Variants in AGBL1 observed in about 807,000 individuals in gnomAD.
The protein encoded by AGBL1 is cytosolic carboxypeptidase 4.
AGBL1 carries 130 observed loss-of-function variants against 118.9 expected under a neutral mutation model. The ratio of observed to expected loss-of-function variants is 1.09; its 90% confidence interval spans 0.95 to 1.26. The LOEUF (loss-of-function observed/expected upper bound fraction) is 1.26. AGBL1 is among the 50% of genes most tolerant of loss of function. The pLI is 0.00. For missense variants in AGBL1, 1,584 were observed against 1,298.1 expected, an observed-to-expected ratio of 1.22 and a Z score of -3.38; for synonymous variants, 555 against 478.9, an observed-to-expected ratio of 1.16 and a Z score of -2.08.
intron 24 of AGBL1, among the ~76,000 whole-genome samples, chr15:87,004,921 C>G (rs2081482488): frequency 6.6e-6 from 1 of 152,056 alleles, no homozygotes; most frequent in South Asian, 2.1e-4. Context: ...CTTGTCTGTA[C>G]AGTATTTTAT....
chr15:86,829,790 T>C (rs1244087943), intron 22 of AGBL1, among the ~76,000 whole-genome samples: 3 of 152,056 alleles, frequency 2.0e-5, no homozygotes, highest in Admixed American at 6.6e-5. Flanking sequence ...AATTATAATA[T>C]TTATTAAATT....
chr15:86,616,339 C>CAAAAAAAAAAAA lies in AGBL1; in HGVS notation c.2995-57912_2995-57901dup, dbSNP rs199936794. ...GTGACAGAGCAAGACTCCTCCACTT[C>CAAAAAAAAAAAA]AAAAAAAAAAAAAAAAAAAAAAAAA... On this transcript the variant is annotated intron_variant, in intron 21 of 22. Transcript: ENST00000614907. Among the ~76,000 whole-genome samples, 49 of 49,282 alleles carry CAAAAAAAAAAAA rather than the reference C, an allele frequency of 9.9e-4. 2 individuals carry two copies. Among genetic ancestry groups the CAAAAAAAAAAAA allele is most frequent in the African/African-American group, 3.4e-3 (48 of 14,056 alleles). The allele number at this position is 49,282 out of a possible 152,430, so 32.3% of individuals were successfully genotyped here.
intron 24 of AGBL1, among the ~76,000 whole-genome samples, chr15:86,998,814 C>T (rs1189021548): frequency 2.0e-5 from 3 of 151,902 alleles, no homozygotes; most frequent in African/African-American, 7.3e-5. Context: ...CTCAACCTGC[C>T]CAAGGTGACA....
intron 18 of AGBL1, among the ~76,000 whole-genome samples, chr15:86,397,879 G>A (rs1440377919): frequency 6.6e-6 from 1 of 152,092 alleles, no homozygotes; most frequent in Non-Finnish European, 1.5e-5. Context: ...TAATAGCAGA[G>A]GAAGAATCTA....
chr15:86,426,866 A>G (rs2142032727), intron 18 of AGBL1, among the ~76,000 whole-genome samples: 1 of 152,250 alleles, frequency 6.6e-6, no homozygotes, highest in East Asian at 1.9e-4. Context: ...TCCCTTTTCA[A>G]GTGTTTCTCC....
chr15:86,539,807 T>C (rs1207240167), intron 19 of AGBL1, among the ~76,000 whole-genome samples: 4 of 152,140 alleles, frequency 2.6e-5, no homozygotes, highest in African/African-American at 9.7e-5. Context: ...TGGAGTGCAA[T>C]GTGAATGCTG....
At position 86,269,701 on chromosome 15, in the gene AGBL1, T is replaced by C. The variant is rs77492845; in HGVS notation, c.1839-218T>C. 1.0e-2 allele frequency among the ~76,000 whole-genome samples: 1,518 copies of C among 152,300 alleles called. 31 individuals are homozygous for C. The highest frequency in any genetic ancestry group is 0.032 in the African/African-American group (1,327 of 41,548). ...TTTAAAAATATGCGCTATTGTGTAA[T>C]TGACTCTTGTAATACTAGGAAGCCC... On this transcript the variant is annotated intron_variant, in intron 13 of 22. Transcript: ENST00000614907.
chr15:86,801,799 G>A (rs948414334), intron 22 of AGBL1, among the ~76,000 whole-genome samples: 1 of 152,106 alleles, frequency 6.6e-6, no homozygotes, highest in Non-Finnish European at 1.5e-5. Flanking sequence ...TGGGAGAAAA[G>A]CAAGTACTAG....
chr15:86,844,341 G>T (rs536209728), intron 22 of AGBL1, among the ~76,000 whole-genome samples: 3 of 152,236 alleles, frequency 2.0e-5, no homozygotes, highest in African/African-American at 7.2e-5. Flanking sequence ...CAGTGAATGA[G>T]GGTTCCAGTT....
chr15:86,096,778 C>T (rs1173892016), intron 1 of AGBL1, among the ~76,000 whole-genome samples: 1 of 152,164 alleles, frequency 6.6e-6, no homozygotes, highest in East Asian at 1.9e-4. Flanking sequence ...AAAATAGACA[C>T]TCCTTCCTTG....
chr15:86,843,576 A>G (rs1215658475), intron 22 of AGBL1, among the ~76,000 whole-genome samples: 13 of 152,130 alleles, frequency 8.5e-5, no homozygotes, highest in Admixed American at 5.2e-4. Flanking sequence ...GGTACTGCAA[A>G]CATTGTCCCC....
intron 22 of AGBL1, among the ~76,000 whole-genome samples, chr15:86,794,547 T>G (rs2078542800): frequency 6.6e-6 from 1 of 152,126 alleles, no homozygotes; most frequent in South Asian, 2.1e-4. Flanking sequence ...CAAAGCATTG[T>G]GAGCGCAGTA....
intron 22 of AGBL1, among the ~76,000 whole-genome samples, chr15:86,704,825 A>G (rs1567131434): frequency 1.3e-5 from 2 of 152,226 alleles, no homozygotes; most frequent in African/African-American, 4.8e-5. Flanking sequence ...ATAAAGACAC[A>G]TGTACACGTA....
At chr15:86,812,365 A>C (rs1044033603) in intron 22 of AGBL1, among the ~76,000 whole-genome samples, 2 of 152,234 alleles carry the variant, frequency 1.3e-5, no homozygotes, top group Non-Finnish European at 2.9e-5. Flanking sequence ...ATTTACAAAG[A>C]ATACAAAAGG....
intron 1 of AGBL1, among the ~76,000 whole-genome samples, chr15:86,120,522 A>G (rs973830534): frequency 6.6e-6 from 1 of 152,190 alleles, no homozygotes; most frequent in African/African-American, 2.4e-5. Flanking sequence ...ACCTGGCCCC[A>G]TGGAGAAGAG....
intron 21 of AGBL1, among the ~76,000 whole-genome samples, chr15:86,558,642 G>A (rs2083771027): frequency 6.6e-6 from 1 of 152,156 alleles, no homozygotes; most frequent in African/African-American, 2.4e-5. Context: ...AAACATGCAT[G>A]CTGGAACTAA....
At chr15:86,208,627 G>C (rs146598259) in intron 5 of AGBL1, among the ~76,000 whole-genome samples, 22,343 of 151,990 alleles carry the variant, frequency 0.15, 1,828 homozygotes, top group Middle Eastern at 0.24. Flanking sequence ...ATAGTATTCT[G>C]TGACGGTAGT....
intron 5 of AGBL1, among the ~76,000 whole-genome samples, chr15:86,184,429 C>CTTTTTTTTTT (rs199807402): frequency 4.2e-5 from 6 of 144,450 alleles, no homozygotes; most frequent in African/African-American, 7.5e-5. Context: ...TTTCTTTTTT[C>CTTTTTTTTTT]TTTCTTTTTT....
At chr15:86,208,945 G>A (rs1233210220) in intron 5 of AGBL1, among the ~76,000 whole-genome samples, 1 of 152,086 alleles carries the variant, frequency 6.6e-6, no homozygotes, top group Non-Finnish European at 1.5e-5. Flanking sequence ...TTTCTCTTGT[G>A]GGCATTTAGT....
Sources: allele counts gnomAD v4.1 joint callset (sites outside exome capture counted in the v4.1 genomes callset), GRCh38; gene constraint gnomAD v4.1.1; transcripts MANE v1.5; gene names NCBI Gene and HGNC (gene_info 2026-07-23, HGNC 2026-07-21).